Variants in SMTN observed in about 807,000 individuals in gnomAD.
SMTN encodes smoothelin.
SMTN carries 58 observed loss-of-function variants against 102.0 expected under a neutral mutation model. That is an observed-to-expected ratio of 0.57 (90% CI 0.46 to 0.71). The LOEUF is 0.71. Ranked by LOEUF, SMTN falls within the 30% of genes least tolerant of loss-of-function variation. SMTN has a pLI of 0.00. For synonymous variants in SMTN, 478 were observed against 497.9 expected (o/e 0.96, Z 0.53); for missense variants, 1,185 against 1,241.7 (o/e 0.95, Z 0.69).
At chr22:31,082,818 CTG>C in intron 1 of SMTN, 1 of 1,482,238 alleles carries the variant, frequency 6.7e-7, no homozygotes, top group South Asian at 1.3e-5. Context: ...AAACTGGAGA[CTG>C]GAGTGCACCC....
Position 31,100,871 on chromosome 22 carries a change from C to T in SMTN, c.2604-14C>T, listed in dbSNP as rs1454198380. The T allele has an allele frequency of 1.9e-6, 3 of 1,544,694 alleles. No individual in the cohort carries two copies. The highest frequency in any genetic ancestry group is 3.7e-5 in the Admixed American group (2 of 54,242). On this transcript the variant is annotated splice_polypyrimidine_tract_variant and intron_variant, in intron 19 of 20. Coordinates refer to ENST00000333137, the MANE Select transcript of SMTN (RefSeq NM_134269.3). ...CCCGTCCCCCACCCCTTCCCGGCCC[C>T]CTACCCTCCCCAGGACCCATGCGGA...
chr22:31,070,362 C>A (rs2041967723), intron 1 of SMTN, among the ~76,000 whole-genome samples: 1 of 152,164 alleles, frequency 6.6e-6, no homozygotes, highest in Middle Eastern at 3.2e-3. Flanking sequence ...CAGTCTGGGC[C>A]TTTCCCCTCT....
rs781681868 is a variant in SMTN, at chr22:31,089,774, G to A, written c.547G>A (p.Asp183Asn). 6.2e-7 allele frequency: 1 copy of A among 1,612,660 alleles called. No homozygotes were observed. The highest frequency in any genetic ancestry group is 8.5e-7 in the Non-Finnish European group (1 of 1,179,920). ...PTPTPEGTSQ[D>N]VTTVTLLLRA... ...CCCCACCCCTGAAGGCACCAGCCAG[G>A]ATGTGACCACAGTGACACTCCTGCT... Residue 183 changes from aspartate (D) to asparagine (N), a missense_variant, in exon 7 of 21, where the codon GAT (aspartate) becomes AAT (asparagine). Physicochemically the swap from Asp to Asn is conservative, Grantham distance 23 (BLOSUM62 1). Transcript: ENST00000333137.
intron 20 of SMTN, chr22:31,102,065 G>A (rs1393592183): frequency 6.6e-6 from 1 of 152,122 alleles, no homozygotes; most frequent in African/African-American, 2.4e-5. Context: ...CCAAAGTGGG[G>A]AGCTCAGGAG....
rs377426141 is a variant in SMTN at position 31,097,375 on chromosome 22, T to C, written c.2159+37T>C. On this transcript the variant is annotated intron_variant, in intron 16 of 20. Transcript: ENST00000333137. ...CACCCAATCCCTGACCATAGAGGAG[T>C]CAGTGCCACAGGGGACCTAACTGCA... is the stretch of plus-strand genomic sequence containing the variant. The C allele has an allele frequency of 3.7e-5, 58 of 1,587,766 alleles. No homozygotes were observed. The African/African-American group carries it at 7.5e-4, about 21-fold the overall frequency.
rs2044041453 is a variant in SMTN, at chr22:31,100,987, C to A, written c.2706C>A (p.Arg902=). The A allele has an allele frequency of 6.2e-7, 1 of 1,613,544 alleles. No individual in the cohort carries two copies. The highest frequency in any genetic ancestry group is 8.5e-7 in the Non-Finnish European group (1 of 1,179,866). Residue 902 remains arginine, a synonymous_variant, in exon 20 of 21, where the codon CGC becomes CGA. Coordinates refer to ENST00000333137, the MANE Select transcript of SMTN (RefSeq NM_134269.3). ...ACACGTACATCCAGGAATTCTACCG[C>A]TGTCTGGTCCAGAAGGGGCTGGTAA... ...CVYTYIQEFY[R]CLVQKGLVKT...
rs923360360 is a variant in SMTN, at chr22:31,097,212, C to T, written c.2090-57C>T. 9.6e-6 allele frequency: 15 copies of T among 1,565,478 alleles called. No individual in the cohort carries two copies. In the African/African-American group the frequency reaches 2.0e-4, roughly 21 times the overall value. ...CCACCCCTCCATACAGCCTCCCATC[C>T]CATCTCCTGATGTCCAGCCCAGGCC... On this transcript the variant is annotated intron_variant, in intron 15 of 20. Coordinates refer to ENST00000333137, the MANE Select transcript of SMTN (RefSeq NM_134269.3).
At position 31,097,036 on chromosome 22, in the gene SMTN, T is replaced by A; in HGVS notation, c.2065T>A (p.Ser689Thr). ...GACGGCCCGCACCACCACAGTGGAG[T>A]CGAGTTTCGTGAGGCGCTCGGAGAG... ...TRTARTTTVE[S>T]SFVRRSENGS... Residue 689 changes from serine to threonine, a missense_variant, in exon 15 of 21, where the codon TCG (serine) becomes ACG (threonine). Physicochemically the swap from Ser to Thr is moderately conservative, Grantham distance 58. Transcript: ENST00000333137. The A allele has an allele frequency of 1.9e-6, 3 of 1,613,510 alleles. No homozygotes were observed. The highest frequency in any genetic ancestry group is 2.5e-6 in the Non-Finnish European group (3 of 1,179,886).
Position 31,095,756 on chromosome 22 carries a change from A to G in SMTN, c.1861+147A>G. 1 of 673,772 alleles carries G rather than the reference A, an allele frequency of 1.5e-6. No homozygotes were observed. The highest frequency in any genetic ancestry group is 2.5e-6 in the Non-Finnish European group (1 of 398,570). 41.7% of individuals were successfully genotyped at this position (673,772 alleles called of 1,614,324 possible). A position where few individuals can be genotyped will look rare whatever the true frequency, so the allele number is the denominator to read the frequency against. ...TCTAGACCCAGCAGTTCCCTTGGCTATTCCCTGCTGGATCCAGCTGCTCCT... is the reference window on the plus strand; with the variant it reads ...TCTAGACCCAGCAGTTCCCTTGGCTGTTCCCTGCTGGATCCAGCTGCTCCT... On this transcript the variant is annotated intron_variant, in intron 13 of 20. Coordinates refer to ENST00000333137, the MANE Select transcript of SMTN (RefSeq NM_134269.3). The surrounding 1 kb of genome is among the most constrained non-coding windows in gnomAD (Gnocchi z 4.1).
At position 31,104,302 on chromosome 22, in the gene SMTN, C is replaced by T. The variant is rs1198816194; in HGVS notation, c.*21-14C>T. The T allele has an allele frequency of 1.9e-6, 3 of 1,613,214 alleles. No individual in the cohort carries two copies. The highest frequency in any genetic ancestry group is 1.1e-5 in the South Asian group (1 of 91,054). On this transcript the variant is annotated splice_polypyrimidine_tract_variant and intron_variant, in intron 20 of 20. Transcript: ENST00000333137. ...TCTGGCGCTGACATCCAACCCCGTG[C>T]CCCCTCCCTGCAGGATGCTGGTGGA...
chr22:31,093,117 G>C (rs1034237937), intron 11 of SMTN, among the ~76,000 whole-genome samples: 1 of 152,254 alleles, frequency 6.6e-6, no homozygotes. Flanking sequence ...TGTGAGGCAT[G>C]GGGCCCCGAT....
At chr22:31,091,900 T>C in intron 11 of SMTN, 53 bp downstream of exon 11, 1 of 1,446,164 alleles carries the variant, frequency 6.9e-7, no homozygotes. Flanking sequence ...TCACATACAC[T>C]GCTTCAGGGT....
At position 31,091,820 on chromosome 22, in the gene SMTN, C is replaced by CA; in HGVS notation, c.1606dup (p.Ser536LysfsTer2). ...TCACCAGCTTCAGCCATGCCCCCCC[C>CA]AGTAGCCGAGGAGGCTGCAGCATCA... is the stretch of plus-strand genomic sequence containing the variant. On this transcript the variant is annotated frameshift_variant, in exon 11 of 21. Coordinates refer to ENST00000333137, the MANE Select transcript of SMTN (RefSeq NM_134269.3). LOFTEE classifies it high-confidence loss of function. 1 of 1,600,636 alleles carries CA rather than the reference C, an allele frequency of 6.2e-7. No homozygotes were observed. The highest frequency in any genetic ancestry group is 8.5e-7 in the Non-Finnish European group (1 of 1,172,742).
chr22:31,093,170 G>A (rs1320159153), intron 11 of SMTN, among the ~76,000 whole-genome samples: 1 of 152,246 alleles, frequency 6.6e-6, no homozygotes, highest in Non-Finnish European at 1.5e-5. Flanking sequence ...TGTGCTGCAG[G>A]CCTATGATTT....
Position 31,097,010 on chromosome 22 carries a change from G to A in SMTN, c.2039G>A (p.Arg680Gln), listed in dbSNP as rs774781407. The A allele has an allele frequency of 5.6e-6, 9 of 1,614,008 alleles. No individual in the cohort carries two copies. Among genetic ancestry groups the A allele is most frequent in the Admixed American group, 3.3e-5 (2 of 60,002 alleles). The change falls in exon 15 of 21, where the codon CGG becomes CAG. Residue 680 changes from arginine to glutamine, a missense_variant. Physicochemically the swap from Arg to Gln is conservative, Grantham distance 43. This residue lies in a region of SMTN where 1,096 missense variants were observed against 1,112.7 expected (regional missense o/e 0.98). Transcript: ENST00000333137. Reference sequence around the variant, plus strand: ...CCTGCCCCTGCAGATGATGGCACACGGACGGCCCGCACCACCACAGTGGAG... The same window carrying A: ...CCTGCCCCTGCAGATGATGGCACACAGACGGCCCGCACCACCACAGTGGAG... ...ERLVHSNDGT[R>Q]TARTTTVESS...
At chr22:31,077,526 C>T (rs896680195), upstream of SMTN, among the ~76,000 whole-genome samples, 1 of 152,100 alleles carries the variant, frequency 6.6e-6, no homozygotes, top group Non-Finnish European at 1.5e-5. Context: ...GTAGTATAAG[C>T]ATGATCAGGA....
intron 2 of SMTN, among the ~76,000 whole-genome samples, chr22:31,086,423 G>A (rs2042706995): frequency 6.6e-6 from 1 of 152,168 alleles, no homozygotes; most frequent in Non-Finnish European, 1.5e-5. Context: ...TGTGGGCTTA[G>A]GACAAGTAGG....
Position 31,087,999 on chromosome 22 carries a change from G to GC in SMTN, c.87dup (p.Ile30HisfsTer45). ...ACAGCAGATCTGGCAGAGCGGCGGC[G>GC]CATCCGCTCAGCCATCCGGGAACTG... On this transcript the variant is annotated frameshift_variant, in exon 3 of 21. Transcript: ENST00000333137. LOFTEE classifies it high-confidence loss of function. 6.2e-7 allele frequency: 1 copy of GC among 1,607,320 alleles called. No individual in the cohort carries two copies. Among genetic ancestry groups the GC allele is most frequent in the East Asian group, 2.2e-5 (1 of 44,686 alleles).
At chr22:31,080,079 G>A (rs1228742507), upstream of SMTN, among the ~76,000 whole-genome samples, 1 of 152,198 alleles carries the variant, frequency 6.6e-6, no homozygotes, top group Non-Finnish European at 1.5e-5. Flanking sequence ...TTGGTTTTCT[G>A]ATGTGTAAAA....
Sources: gnomAD v4.1 joint callset for allele counts (sites outside exome capture counted in the v4.1 genomes callset) on GRCh38, gnomAD v4.1.1 for gene constraint, gnomAD v4.1.1 regional missense constraint, Gnocchi (gnomAD v3.1) non-coding constraint, MANE v1.5 for transcripts, NCBI Gene and HGNC (gene_info 2026-07-23, HGNC 2026-07-21) for gene names.